The following GRIA2 variants were observed in gnomAD, a reference collection of about 807,000 sequenced individuals.
The protein encoded by GRIA2 is glutamate ionotropic receptor AMPA type subunit 2.
In GRIA2, 14 loss-of-function variants were observed where a neutral mutation model predicts 97.3. The ratio of observed to expected loss-of-function variants is 0.14; its 90% CI spans 0.10 to 0.23. The LOEUF (loss-of-function observed/expected upper bound fraction) is 0.23, where lower values mean the gene tolerates loss of function less well. GRIA2 is among the 10% of genes least tolerant of loss of function. The pLI is 1.00. For synonymous variants in GRIA2, 412 were observed against 387.8 expected (o/e 1.06, Z -0.73); for missense variants, 558 against 1,069.8 (o/e 0.52, Z 6.67).
intron 2 of GRIA2, among the ~76,000 whole-genome samples, chr4:157,286,345 AT>A (rs1732845823): frequency 6.6e-6 from 1 of 151,362 alleles, no homozygotes; most frequent in Non-Finnish European, 1.5e-5. Flanking sequence ...TGTCTATCAA[AT>A]TTTTCTGTGA....
At position 157,364,391 on chromosome 4, in the gene GRIA2, T is replaced by G. The variant is rs558002314; in HGVS notation, c.*960T>G. On this transcript the variant is annotated 3_prime_UTR_variant, in exon 16 of 16. Coordinates refer to ENST00000264426, the MANE Select transcript of GRIA2 (RefSeq NM_001083619.3). Reference sequence around the variant, plus strand: ...TAGGTGCCCAGAGAAAATTTCTCCCTTTTAAAAAGGCCAGGTGATTTTTCA... The same window carrying G: ...TAGGTGCCCAGAGAAAATTTCTCCCGTTTAAAAAGGCCAGGTGATTTTTCA... 2 of 152,220 alleles carry G rather than the reference T, an allele frequency of 1.3e-5. No individual in the cohort carries two copies. Among genetic ancestry groups the G allele is most frequent in the Admixed American group, 6.6e-5 (1 of 15,198 alleles). 9.4% of individuals were successfully genotyped at this position (152,220 alleles called of 1,614,324 possible). A position where few individuals can be genotyped will look rare whatever the true frequency, so the allele number is the denominator to read the frequency against.
In GRIA2 at chr4:157,312,732, G is replaced by A; in HGVS notation, c.523G>A (p.Val175Met). 1 of 1,611,178 alleles carries A rather than the reference G, an allele frequency of 6.2e-7. No individual in the cohort carries two copies. The highest frequency in any genetic ancestry group is 1.3e-5 in the African/African-American group (1 of 74,908). Residue 175 changes from valine (V) to methionine (M), a missense_variant, in exon 4 of 16, where the codon GTG (valine) becomes ATG (methionine). Transcript: ENST00000264426. Reference protein sequence around the residue: ...LDSAAEKKWQVTAINVGNINN... With the variant: ...LDSAAEKKWQMTAINVGNINN... ...TTCTGCTGCTGAAAAGAAATGGCAAGTGACTGCTATCAATGTGGGAAACAT... is the reference window on the plus strand; with the variant it reads ...TTCTGCTGCTGAAAAGAAATGGCAAATGACTGCTATCAATGTGGGAAACAT...
intron 2 of GRIA2, among the ~76,000 whole-genome samples, chr4:157,261,322 C>A (rs1367199848): frequency 6.6e-6 from 1 of 151,926 alleles, no homozygotes; most frequent in Non-Finnish European, 1.5e-5. Context: ...TTTATTTTAC[C>A]TTTGCATTCA....
chr4:157,353,931 TA>T (rs1334420581), intron 12 of GRIA2, among the ~76,000 whole-genome samples: 1 of 152,080 alleles, frequency 6.6e-6, no homozygotes, highest in South Asian at 2.1e-4. Context: ...TAACCCTTTA[TA>T]AAAAACTAAT....
intron 2 of GRIA2, among the ~76,000 whole-genome samples, chr4:157,269,690 A>C (rs1380228334): frequency 6.6e-6 from 1 of 152,088 alleles, no homozygotes; most frequent in Non-Finnish European, 1.5e-5. Context: ...CAAATATATT[A>C]TCCTTTAGAT....
chr4:157,221,616 C>T (rs1049626880), intron 1 of GRIA2, 51 bp from the exon 2 acceptor site: 11 of 1,586,970 alleles, frequency 6.9e-6, no homozygotes, highest in Non-Finnish European at 9.5e-6. Flanking sequence ...CCCCTCCTTT[C>T]CCTCCCGGGG....
At chr4:157,220,666 G>A (rs907472385), upstream of GRIA2, 1 of 265,158 alleles carries the variant, frequency 3.8e-6, no homozygotes, top group African/African-American at 2.2e-5. Context: ...GTGTGTGTGT[G>A]TGTGTGTGCG....
intron 9 of GRIA2, 158 bp from the exon 10 acceptor site, chr4:157,335,513 T>C: frequency 1.7e-6 from 1 of 604,468 alleles, no homozygotes; most frequent in Non-Finnish European, 2.9e-6. Flanking sequence ...GGGGGAAGCA[T>C]TATGCTTAAA....
chr4:157,300,760 T>G lies in GRIA2; in HGVS notation c.230-2792T>G, dbSNP rs181715554. 7.0e-4 allele frequency among the ~76,000 whole-genome samples: 106 copies of G among 152,180 alleles called. 1 individual carries two copies. Among genetic ancestry groups the G allele is most frequent in the Admixed American group, 6.9e-3 (106 of 15,264 alleles). On this transcript the variant is annotated intron_variant, in intron 2 of 15. Coordinates refer to ENST00000264426, the MANE Select transcript of GRIA2 (RefSeq NM_001083619.3). Reference sequence around the variant, plus strand: ...CTGAAGTGCATGGGGAAAAATAAATTGTCTTCTGAGTTAGGTGGATCATTC... The same window carrying G: ...CTGAAGTGCATGGGGAAAAATAAATGGTCTTCTGAGTTAGGTGGATCATTC...
intron 2 of GRIA2, among the ~76,000 whole-genome samples, chr4:157,225,544 C>CA (rs1344549743): frequency 6.6e-6 from 1 of 151,700 alleles, no homozygotes; most frequent in Non-Finnish European, 1.5e-5. Flanking sequence ...CCTAGGAATC[C>CA]AATCATTCAT....
At chr4:157,256,474 AT>A (rs958623050) in intron 2 of GRIA2, among the ~76,000 whole-genome samples, 21 of 151,018 alleles carry the variant, frequency 1.4e-4, no homozygotes, top group African/African-American at 5.1e-4. Flanking sequence ...TTAAATATTA[AT>A]TGAAGTGTAT....
chr4:157,362,134 G>A (rs949454513), intron 14 of GRIA2, among the ~76,000 whole-genome samples: 2 of 152,206 alleles, frequency 1.3e-5, no homozygotes, highest in South Asian at 2.1e-4. Context: ...TCTAGTGGAT[G>A]AGAGTACACT....
At chr4:157,257,449 C>A (rs572891541) in intron 2 of GRIA2, among the ~76,000 whole-genome samples, 80 of 152,076 alleles carry the variant, frequency 5.3e-4, no homozygotes, top group African/African-American at 1.9e-3. Context: ...GATCAATGAG[C>A]CTTTGACTAC....
chr4:157,337,922 C>A (rs1033381797), intron 11 of GRIA2, among the ~76,000 whole-genome samples: 5 of 148,686 alleles, frequency 3.4e-5, no homozygotes, highest in Non-Finnish European at 7.4e-5. Context: ...CCACCAGATT[C>A]CCTGTGACTT....
intron 2 of GRIA2, among the ~76,000 whole-genome samples, chr4:157,286,884 A>G (rs768631788): frequency 5.5e-4 from 84 of 151,454 alleles, no homozygotes; most frequent in Non-Finnish European, 8.7e-4. Flanking sequence ...CTATTTGATT[A>G]CTCTCACATT....
At chr4:157,270,123 T>C (rs1731950677) in intron 2 of GRIA2, among the ~76,000 whole-genome samples, 1 of 152,184 alleles carries the variant, frequency 6.6e-6, no homozygotes, top group Admixed American at 6.6e-5. Flanking sequence ...TCCTCAAATT[T>C]GTATAACTTT....
At chr4:157,324,796 A>G (rs545117269) in intron 6 of GRIA2, among the ~76,000 whole-genome samples, 141 of 152,306 alleles carry the variant, frequency 9.3e-4, no homozygotes, top group Non-Finnish European at 1.7e-3. Context: ...TTCCAGACAG[A>G]AGAGAGGAAG....
At position 157,361,302 on chromosome 4, in the gene GRIA2, T is replaced by C. The variant is rs2127001349; in HGVS notation, c.2406+178T>C. Among the ~76,000 whole-genome samples the C allele has an allele frequency of 6.6e-6, 1 of 152,280 alleles. No homozygotes were observed. Among genetic ancestry groups the C allele is most frequent in the African/African-American group, 2.4e-5 (1 of 41,572 alleles). On this transcript the variant is annotated intron_variant, in intron 14 of 15. Coordinates refer to ENST00000264426, the MANE Select transcript of GRIA2 (RefSeq NM_001083619.3). This position sits in a 1 kb window ranked among gnomAD's most constrained non-coding sequence, Gnocchi z 5.2. ...CTTCCTCTACTTCTCTTTCCCTCTC[T>C]TTCTCCATATCTCAAGGAAAAATTT...
In GRIA2 at chr4:157,234,513, A is replaced by G. The variant is rs74556013; in HGVS notation, c.229+12706A>G. ...ATAAATAACAAGAACTAAATCATGC[A>G]TAATTTAAAAAATGTAGATGATGGT... On this transcript the variant is annotated intron_variant, in intron 2 of 15. Transcript: ENST00000264426. Among the ~76,000 whole-genome samples, 130 of 152,284 alleles carry G rather than the reference A, an allele frequency of 8.5e-4. 1 individual carries two copies. In the East Asian group the frequency reaches 0.023, roughly 27 times the overall value.
Sources: allele counts gnomAD v4.1 joint callset (sites outside exome capture counted in the v4.1 genomes callset), GRCh38; gene constraint gnomAD v4.1.1; non-coding constraint Gnocchi (gnomAD v3.1); transcripts MANE v1.5; gene names NCBI Gene and HGNC (gene_info 2026-07-23, HGNC 2026-07-21).